The following RFX7 variants were observed in gnomAD, a reference collection of about 807,000 sequenced individuals.
The protein encoded by RFX7 is DNA-binding protein RFX7.
In RFX7, 26 loss-of-function variants were observed where a neutral mutation model predicts 111.8. The observed-to-expected ratio is 0.23, with a 90% confidence interval of 0.17 to 0.32. RFX7 has a LOEUF of 0.32. Ranked by LOEUF, RFX7 falls within the 10% of genes least tolerant of loss-of-function variation. RFX7 has a pLI of 1.00. For missense variants in RFX7, 1,573 were observed against 1,772.9 expected, an observed-to-expected ratio of 0.89 and a Z score of 2.02; for synonymous variants, 624 against 624.4, an observed-to-expected ratio of 1.00 and a Z score of 0.01.
chr15:56,166,777 T>C (rs1595981810), intron 3 of RFX7, among the ~76,000 whole-genome samples: 1 of 151,988 alleles, frequency 6.6e-6, no homozygotes, highest in African/African-American at 2.4e-5. Context: ...TTTAAAGAGA[T>C]GGGGTCTTGC....
intron 5 of RFX7, among the ~76,000 whole-genome samples, chr15:56,138,809 T>C (rs1411136050): frequency 6.6e-6 from 1 of 152,076 alleles, no homozygotes; most frequent in Non-Finnish European, 1.5e-5. Flanking sequence ...AGGGCAGGCC[T>C]GGTGGTGACA....
chr15:56,152,410 C>T (rs932877623), intron 3 of RFX7, among the ~76,000 whole-genome samples: 4 of 152,110 alleles, frequency 2.6e-5, no homozygotes, highest in African/African-American at 4.8e-5. Flanking sequence ...TACCCCAATC[C>T]GTACAAATAC....
intron 3 of RFX7, among the ~76,000 whole-genome samples, chr15:56,148,976 G>A (rs1423889065): frequency 3.9e-5 from 6 of 151,904 alleles, no homozygotes; most frequent in East Asian, 1.9e-4. Flanking sequence ...CCAGCTACTC[G>A]GGAGGCTGAG....
intron 2 of RFX7, among the ~76,000 whole-genome samples, chr15:56,190,917 AAC>A (rs1261284455): frequency 1.3e-5 from 2 of 152,256 alleles, no homozygotes; most frequent in Non-Finnish European, 2.9e-5. Context: ...GCATTCAAGA[AAC>A]ACAAATTGGA....
chr15:56,156,423 G>C (rs978487243), intron 3 of RFX7, among the ~76,000 whole-genome samples: 2 of 152,046 alleles, frequency 1.3e-5, no homozygotes, highest in Admixed American at 1.3e-4. Context: ...CTATTTAACA[G>C]CATATAGAAA....
intron 2 of RFX7, among the ~76,000 whole-genome samples, chr15:56,205,561 A>G (rs2043241622): frequency 6.6e-6 from 1 of 152,222 alleles, no homozygotes; most frequent in Non-Finnish European, 1.5e-5. Flanking sequence ...TTGAATGTAA[A>G]TGCCCAGATG....
intron 3 of RFX7, among the ~76,000 whole-genome samples, chr15:56,164,246 T>C (rs2042757995): frequency 6.6e-6 from 1 of 152,124 alleles, no homozygotes. Context: ...CAAAACAATT[T>C]TGTGGAAGAG....
At chr15:56,110,168 C>A (rs1189173156) in intron 5 of RFX7, among the ~76,000 whole-genome samples, 1 of 133,378 alleles carries the variant, frequency 7.5e-6, no homozygotes, top group Non-Finnish European at 1.7e-5. Flanking sequence ...CCTGGCCAGC[C>A]GCCCCGTCCA....
intron 5 of RFX7, among the ~76,000 whole-genome samples, chr15:56,132,672 A>C (rs1204437925): frequency 1.3e-5 from 2 of 152,112 alleles, no homozygotes; most frequent in Non-Finnish European, 2.9e-5. Flanking sequence ...AGCTGTGACA[A>C]AAGTGTACAG....
intron 2 of RFX7, among the ~76,000 whole-genome samples, chr15:56,222,100 A>G (rs1034825756): frequency 6.6e-6 from 1 of 152,096 alleles, no homozygotes; most frequent in Non-Finnish European, 1.5e-5. Flanking sequence ...CAAAATGTCT[A>G]TTTTGTTTAC....
At chr15:56,191,832 T>C (rs2043103415) in intron 2 of RFX7, among the ~76,000 whole-genome samples, 1 of 152,100 alleles carries the variant, frequency 6.6e-6, no homozygotes. Flanking sequence ...AATGGAGATA[T>C]AACATCTTAT....
intron 2 of RFX7, among the ~76,000 whole-genome samples, chr15:56,218,901 T>C (rs1189697841): frequency 2.6e-5 from 4 of 152,072 alleles, no homozygotes; most frequent in African/African-American, 4.8e-5. Context: ...AGAGATCGAA[T>C]TGCACAATTA....
chr15:56,134,293 T>A (rs1231568690), intron 5 of RFX7, among the ~76,000 whole-genome samples: 1 of 152,134 alleles, frequency 6.6e-6, no homozygotes, highest in Non-Finnish European at 1.5e-5. Context: ...CAACACAAAT[T>A]TTATTATCAT....
chr15:56,189,507 T>A (rs1484602996), intron 2 of RFX7, among the ~76,000 whole-genome samples: 4 of 151,312 alleles, frequency 2.6e-5, no homozygotes, highest in African/African-American at 9.7e-5. Context: ...GACAAAAGAC[T>A]TATGCCCAGA....
chr15:56,099,749 GT>G (rs1259495941), intron 8 of RFX7, among the ~76,000 whole-genome samples: 1 of 152,170 alleles, frequency 6.6e-6, no homozygotes, highest in African/African-American at 2.4e-5. Context: ...AATGTTTTGA[GT>G]AATGATACAA....
chr15:56,109,601 G>A (rs1242320879), intron 5 of RFX7, among the ~76,000 whole-genome samples: 1 of 151,322 alleles, frequency 6.6e-6, no homozygotes, highest in African/African-American at 2.4e-5. Context: ...AGGAAGTGAG[G>A]AGCGCCTCTT....
intron 2 of RFX7, among the ~76,000 whole-genome samples, chr15:56,184,930 T>C (rs990999379): frequency 6.6e-6 from 1 of 152,240 alleles, no homozygotes; most frequent in African/African-American, 2.4e-5. Flanking sequence ...GGTTTATCTA[T>C]GTATCTTTTT....
At chr15:56,230,156 C>T (rs576858229) in intron 2 of RFX7, among the ~76,000 whole-genome samples, 1 of 152,254 alleles carries the variant, frequency 6.6e-6, no homozygotes, top group South Asian at 2.1e-4. Context: ...CTTTAAAATT[C>T]CAAGTTTATC....
intron 5 of RFX7, among the ~76,000 whole-genome samples, chr15:56,125,936 G>C (rs77656538): frequency 6.6e-6 from 1 of 152,202 alleles, no homozygotes; most frequent in African/African-American, 2.4e-5. Context: ...CTGTAGCAGA[G>C]GGAAGCATTA....
Sources: gnomAD v4.1 joint callset for allele counts (sites outside exome capture counted in the v4.1 genomes callset) on GRCh38, gnomAD v4.1.1 for gene constraint, MANE v1.5 for transcripts, NCBI Gene and HGNC (gene_info 2026-07-23, HGNC 2026-07-21) for gene names.